The following MAGI2 variants were observed in gnomAD, a reference collection of about 807,000 sequenced individuals.
The protein encoded by MAGI2 is membrane-associated guanylate kinase, WW and PDZ domain-containing protein 2.
In MAGI2, 35 loss-of-function variants were observed where a neutral mutation model predicts 133.3. The observed-to-expected ratio is 0.26, with a 90% CI of 0.20 to 0.35. The LOEUF (loss-of-function observed/expected upper bound fraction) is 0.35. Among genes scored for constraint, MAGI2 ranks in the 10% least tolerant of loss-of-function variants. The pLI, the probability that MAGI2 is intolerant of heterozygous loss-of-function variation, is 1.00. For missense variants in MAGI2, 1,636 were observed against 1,863.4 expected (o/e 0.88, Z 2.25); for synonymous variants, 729 against 710.6 (o/e 1.03, Z -0.41).
Position 78,654,215 on chromosome 7 carries a change from G to T in MAGI2, c.419-26976C>A, listed in dbSNP as rs185190429. Among the ~76,000 whole-genome samples the T allele has an allele frequency of 5.2e-3, 794 of 152,148 alleles. 2 individuals are homozygous for T. The highest frequency in any genetic ancestry group is 7.0e-3 in the Non-Finnish European group (476 of 68,002). On this transcript the variant is annotated intron_variant, in intron 2 of 21. Coordinates refer to ENST00000354212, the MANE Select transcript of MAGI2 (RefSeq NM_012301.4). ...TATCACTTACTAGCTGGGCAAGCTTGGACAAATTTCTTACTCTGTGTTTCA... is the reference window on the plus strand; with the variant it reads ...TATCACTTACTAGCTGGGCAAGCTTTGACAAATTTCTTACTCTGTGTTTCA...
chr7:79,180,042 T>C (rs1826473405), intron 1 of MAGI2, among the ~76,000 whole-genome samples: 2 of 151,968 alleles, frequency 1.3e-5, no homozygotes, highest in South Asian at 2.1e-4. Context: ...GGGAGTAAAA[T>C]CCTGAATATA....
chr7:78,569,155 T>C (rs1415271070), intron 3 of MAGI2, among the ~76,000 whole-genome samples: 1 of 151,560 alleles, frequency 6.6e-6, no homozygotes, highest in African/African-American at 2.4e-5. Context: ...CACGTCACTA[T>C]TCCTTTGCTT....
chr7:79,221,391 C>A, intron 1 of MAGI2, among the ~76,000 whole-genome samples: 1 of 151,976 alleles, frequency 6.6e-6, no homozygotes, highest in East Asian at 1.9e-4. Context: ...CTCTCAGAAA[C>A]CTATGAGACA....
At chr7:78,047,771 C>T (rs1416903431) in intron 21 of MAGI2, among the ~76,000 whole-genome samples, 1 of 152,234 alleles carries the variant, frequency 6.6e-6, no homozygotes, top group African/African-American at 2.4e-5. Flanking sequence ...CCTTGTCTGC[C>T]TCCCACCGTC....
chr7:79,162,071 C>T (rs979000467), intron 1 of MAGI2, among the ~76,000 whole-genome samples: 2 of 151,882 alleles, frequency 1.3e-5, no homozygotes, highest in East Asian at 1.9e-4. Flanking sequence ...AAAAAAGCAG[C>T]TCAAGAAATT....
chr7:79,394,799 A>G (rs938639404), intron 1 of MAGI2, among the ~76,000 whole-genome samples: 3 of 152,218 alleles, frequency 2.0e-5, no homozygotes, highest in African/African-American at 7.2e-5. Context: ...TATAATTTCA[A>G]AGCAAGTCTT....
intron 2 of MAGI2, among the ~76,000 whole-genome samples, chr7:78,746,736 T>C (rs1233968606): frequency 6.6e-6 from 1 of 152,188 alleles, no homozygotes; most frequent in Non-Finnish European, 1.5e-5. Flanking sequence ...GGTTTTAATG[T>C]TTTATACAGG....
At chr7:78,578,341 A>G (rs1312324477) in intron 3 of MAGI2, among the ~76,000 whole-genome samples, 3 of 152,170 alleles carry the variant, frequency 2.0e-5, no homozygotes, top group South Asian at 2.1e-4. Flanking sequence ...GACAATGTAC[A>G]TAGTACATGT....
chr7:78,303,456 C>T (rs566146191), intron 9 of MAGI2, among the ~76,000 whole-genome samples: 11 of 148,390 alleles, frequency 7.4e-5, no homozygotes. Flanking sequence ...CAGAAACTTA[C>T]CATGCTCAAA....
intron 9 of MAGI2, among the ~76,000 whole-genome samples, chr7:78,269,025 A>G (rs143569347): frequency 6.7e-4 from 102 of 152,256 alleles, no homozygotes; most frequent in Non-Finnish European, 1.2e-3. Flanking sequence ...TATGAGTGAG[A>G]ACATGTGGTG....
At chr7:79,032,509 C>G (rs1304215545) in intron 1 of MAGI2, among the ~76,000 whole-genome samples, 2 of 130,464 alleles carry the variant, frequency 1.5e-5, no homozygotes, top group Non-Finnish European at 3.1e-5. Flanking sequence ...CAGAGCAAGA[C>G]TCTGACTCAG....
At chr7:78,330,907 T>G (rs975725518) in intron 9 of MAGI2, among the ~76,000 whole-genome samples, 13 of 152,042 alleles carry the variant, frequency 8.6e-5, no homozygotes, top group African/African-American at 2.9e-4. Flanking sequence ...AGAGACAGAG[T>G]AGTACGAACT....
chr7:78,826,373 G>T (rs1001595340), intron 2 of MAGI2, among the ~76,000 whole-genome samples: 1 of 140,630 alleles, frequency 7.1e-6, no homozygotes, highest in Non-Finnish European at 1.5e-5. Context: ...AAAAAAAAAA[G>T]AGTATATTAA....
chr7:79,394,592 G>A (rs1844906496), intron 1 of MAGI2, among the ~76,000 whole-genome samples: 1 of 152,136 alleles, frequency 6.6e-6, no homozygotes, highest in South Asian at 2.1e-4. Context: ...TATAAATTAG[G>A]TGTTTCAAAG....
intron 1 of MAGI2, among the ~76,000 whole-genome samples, chr7:79,165,335 T>C (rs1824810569): frequency 6.6e-6 from 1 of 151,962 alleles, no homozygotes; most frequent in African/African-American, 2.4e-5. Context: ...TTTTGAAAGC[T>C]TACCCACTGC....
intron 21 of MAGI2, among the ~76,000 whole-genome samples, chr7:78,028,627 G>T (rs1809209881): frequency 6.6e-6 from 1 of 152,106 alleles, no homozygotes; most frequent in African/African-American, 2.4e-5. Flanking sequence ...GGCCAAGGTG[G>T]GCAGATCACT....
intron 2 of MAGI2, among the ~76,000 whole-genome samples, chr7:78,853,068 G>GA (rs1383836822): frequency 3.9e-5 from 6 of 151,910 alleles, no homozygotes; most frequent in Non-Finnish European, 7.4e-5. Flanking sequence ...AGCAACCCAA[G>GA]AAAAAATGAG....
At chr7:78,785,535 G>A (rs539527202) in intron 2 of MAGI2, among the ~76,000 whole-genome samples, 9 of 152,228 alleles carry the variant, frequency 5.9e-5, no homozygotes, top group African/African-American at 2.2e-4. Context: ...GGGGATATGT[G>A]TAACATTTTT....
chr7:79,330,975 C>T (rs866795429), intron 1 of MAGI2, among the ~76,000 whole-genome samples: 4 of 152,106 alleles, frequency 2.6e-5, no homozygotes, highest in African/African-American at 9.7e-5. Flanking sequence ...GTGAATACAA[C>T]TGGGACATTA....
Sources: allele counts gnomAD v4.1 joint callset (sites outside exome capture counted in the v4.1 genomes callset), GRCh38; gene constraint gnomAD v4.1.1; transcripts MANE v1.5; gene names NCBI Gene and HGNC (gene_info 2026-07-23, HGNC 2026-07-21).